Variants in C12orf75 observed in about 807,000 individuals in gnomAD.
C12orf75 encodes the protein chromosome 12 open reading frame 75, also known as overexpressed in colon carcinoma 1 protein.
A neutral mutation model predicts 11.4 loss-of-function variants in C12orf75; 4 were observed. The ratio of observed to expected loss-of-function variants is 0.35; its 90% CI spans 0.17 to 0.80. The LOEUF (loss-of-function observed/expected upper bound fraction) is 0.80, where lower values mean the gene tolerates loss of function less well. C12orf75 is among the 30% of genes least tolerant of loss of function. The pLI is 0.52. For synonymous variants in C12orf75, 30 were observed against 30.0 expected, an observed-to-expected ratio of 1.00 and a Z score of 0.00; for missense variants, 89 against 80.4, an observed-to-expected ratio of 1.11 and a Z score of -0.41.
intron 1 of C12orf75, among the ~76,000 whole-genome samples, chr12:105,335,462 G>A (rs1446371364): frequency 2.6e-5 from 4 of 152,148 alleles, no homozygotes; most frequent in Non-Finnish European, 5.9e-5. Context: ...TTCCCCACAA[G>A]TATGTACCAT....
rs1173088266 is a variant in C12orf75, at chr12:105,370,783, G to T, written c.*183G>T. ...AAAACCCTGGGTACATATTGTTGTG[G>T]TAATAGAAGGGAATTGGTTAAACAG... On this transcript the variant is annotated 3_prime_UTR_variant, in exon 6 of 6. Transcript: ENST00000443585. 1 of 453,502 alleles carries T rather than the reference G, an allele frequency of 2.2e-6. No homozygotes were observed. The highest frequency in any genetic ancestry group is 2.0e-5 in the African/African-American group (1 of 49,962). 28.1% of individuals were successfully genotyped at this position (453,502 alleles called of 1,614,324 possible). A position where few individuals can be genotyped will look rare whatever the true frequency, so the allele number is the denominator to read the frequency against.
At chr12:105,354,683 T>A (rs1892753121) in intron 2 of C12orf75, among the ~76,000 whole-genome samples, 1 of 150,354 alleles carries the variant, frequency 6.7e-6, no homozygotes, top group Non-Finnish European at 1.5e-5. Context: ...TTGCTGTGGT[T>A]AGAAATCATA....
At chr12:105,337,716 C>T (rs1055053564) in intron 1 of C12orf75, among the ~76,000 whole-genome samples, 1 of 152,156 alleles carries the variant, frequency 6.6e-6, no homozygotes, top group African/African-American at 2.4e-5. Context: ...CTTGTAACCC[C>T]TGGTTACGTG....
At chr12:105,346,407 A>G (rs1346875693) in intron 1 of C12orf75, among the ~76,000 whole-genome samples, 2 of 152,202 alleles carry the variant, frequency 1.3e-5, no homozygotes, top group African/African-American at 4.8e-5. Context: ...CTAGATTCTC[A>G]TGCTTGACTC....
At chr12:105,367,534 TC>T (rs777087539) in intron 5 of C12orf75, 25 bp downstream of exon 5, 1 of 653,772 alleles carries the variant, frequency 1.5e-6, no homozygotes, top group African/African-American at 1.8e-5. Context: ...TCTAAATAAT[TC>T]TATATATTTA....
At chr12:105,345,655 T>C (rs973437481) in intron 1 of C12orf75, among the ~76,000 whole-genome samples, 1 of 124,926 alleles carries the variant, frequency 8.0e-6, no homozygotes, top group Non-Finnish European at 1.6e-5. Context: ...AATTAGTGTC[T>C]GGCCTTTTTT....
intron 4 of C12orf75, among the ~76,000 whole-genome samples, chr12:105,367,015 G>C (rs995301515): frequency 6.6e-6 from 1 of 152,206 alleles, no homozygotes; most frequent in Non-Finnish European, 1.5e-5. Flanking sequence ...GAACAGAAAG[G>C]TAAATTTCTG....
chr12:105,363,177 G>T (rs974796131), intron 2 of C12orf75, among the ~76,000 whole-genome samples: 9 of 152,250 alleles, frequency 5.9e-5, no homozygotes, highest in African/African-American at 2.2e-4. Context: ...GAATTACATG[G>T]CTTTCTGCAC....
intron 5 of C12orf75, 115 bp from the exon 6 acceptor site, chr12:105,370,519 A>T: frequency 2.2e-6 from 1 of 447,820 alleles, no homozygotes; most frequent in Non-Finnish European, 4.5e-6. Context: ...TGAATATTAA[A>T]TAGGTGTTTT....
intron 1 of C12orf75, among the ~76,000 whole-genome samples, chr12:105,336,972 T>C (rs891335108): frequency 6.6e-6 from 1 of 152,078 alleles, no homozygotes; most frequent in Admixed American, 6.5e-5. Flanking sequence ...CCAAAGCGAG[T>C]GATTGATTTC....
At chr12:105,360,514 T>A (rs1032166822) in intron 2 of C12orf75, among the ~76,000 whole-genome samples, 2 of 152,232 alleles carry the variant, frequency 1.3e-5, no homozygotes, top group Admixed American at 6.5e-5. Context: ...CCTACGGTGA[T>A]GTGTACCTGT....
chr12:105,333,451 T>G (rs1467990166), intron 1 of C12orf75, among the ~76,000 whole-genome samples: 1 of 152,176 alleles, frequency 6.6e-6, no homozygotes, highest in Non-Finnish European at 1.5e-5. Flanking sequence ...GTCTTTCTCT[T>G]CTAGTTACTT....
chr12:105,345,012 T>G (rs1428505293), intron 1 of C12orf75, among the ~76,000 whole-genome samples: 1 of 147,868 alleles, frequency 6.8e-6, no homozygotes, highest in Admixed American at 6.7e-5. Context: ...CCAAGGTAAT[T>G]CCTAAGTTAA....
intron 2 of C12orf75, among the ~76,000 whole-genome samples, chr12:105,349,208 G>A (rs1192333002): frequency 1.3e-5 from 2 of 152,158 alleles, no homozygotes; most frequent in Non-Finnish European, 2.9e-5. Context: ...GCATCCTCCT[G>A]CCTCTAATCT....
At chr12:105,369,655 T>A (rs1871575299) in intron 5 of C12orf75, among the ~76,000 whole-genome samples, 1 of 151,946 alleles carries the variant, frequency 6.6e-6, no homozygotes. Context: ...TTCCCCTCCC[T>A]GTGTCCATGT....
intron 3 of C12orf75, chr12:105,366,136 C>A (rs1024840123): frequency 7.5e-6 from 3 of 401,420 alleles, no homozygotes; most frequent in Non-Finnish European, 1.3e-5. Context: ...ATTCTCTCAG[C>A]CTTCCCTGTC....
chr12:105,337,398 G>A (rs1399512541), intron 1 of C12orf75, among the ~76,000 whole-genome samples: 1 of 152,290 alleles, frequency 6.6e-6, no homozygotes, highest in South Asian at 2.1e-4. Flanking sequence ...GCCAAGTGAG[G>A]AGAGCAGAGA....
chr12:105,336,073 A>G (rs769351819), intron 1 of C12orf75, among the ~76,000 whole-genome samples: 22 of 152,216 alleles, frequency 1.4e-4, no homozygotes, highest in Admixed American at 5.2e-4. Context: ...AAGAATAGGT[A>G]AGATTTGGAT....
chr12:105,334,834 ATAT>A (rs1892480948), intron 1 of C12orf75, among the ~76,000 whole-genome samples: 1 of 152,198 alleles, frequency 6.6e-6, no homozygotes, highest in Admixed American at 6.5e-5. Flanking sequence ...ATTCCCTTTT[ATAT>A]AGTCACATTC....
Sources: gnomAD v4.1 joint callset for allele counts (sites outside exome capture counted in the v4.1 genomes callset) on GRCh38, gnomAD v4.1.1 for gene constraint, MANE v1.5 for transcripts, NCBI Gene and HGNC (gene_info 2026-07-23, HGNC 2026-07-21) for gene names.